Variants in MAPKBP1 observed in about 807,000 individuals in gnomAD.
MAPKBP1 encodes the protein mitogen-activated protein kinase-binding protein 1.
In MAPKBP1, 71 loss-of-function variants were observed where a neutral mutation model predicts 170.5. The ratio of observed to expected loss-of-function variants is 0.42; its 90% CI spans 0.34 to 0.51. MAPKBP1 has a LOEUF of 0.51. Ranked by LOEUF, MAPKBP1 falls within the 20% of genes least tolerant of loss-of-function variation. The probability of loss-of-function intolerance (pLI) is 0.06; values close to 1 mark genes in which losing one functional copy is unlikely to be tolerated. For missense variants in MAPKBP1, 1,598 were observed against 1,933.0 expected (o/e 0.83, Z 3.25); for synonymous variants, 719 against 757.9 (o/e 0.95, Z 0.84).
intron 2 of MAPKBP1, among the ~76,000 whole-genome samples, chr15:41,793,363 T>C (rs569479253): frequency 6.2e-4 from 94 of 152,254 alleles, no homozygotes; most frequent in Middle Eastern, 3.4e-3. Flanking sequence ...GGCATGTGCC[T>C]GTAGTACCAG....
intron 12 of MAPKBP1, 62 bp from the exon 13 acceptor site, chr15:41,816,497 G>T: frequency 9.0e-7 from 1 of 1,108,834 alleles, no homozygotes; most frequent in South Asian, 1.3e-5. Context: ...AGCAGAGGAG[G>T]GGGCGTGAGT....
intron 2 of MAPKBP1, among the ~76,000 whole-genome samples, chr15:41,780,802 G>A (rs980798839): frequency 3.3e-5 from 5 of 151,536 alleles, no homozygotes; most frequent in South Asian, 2.1e-4. Context: ...AGAAATAAAA[G>A]TGAGTATGAC....
intron 23 of MAPKBP1, 64 bp from the exon 24 acceptor site, chr15:41,821,520 C>T (rs2064995059): frequency 6.5e-7 from 1 of 1,531,954 alleles, no homozygotes; most frequent in African/African-American, 1.4e-5. Context: ...CAGGGCTTAC[C>T]CCCCAGCTAC....
chr15:41,819,552 G>GGGGGGA, intron 21 of MAPKBP1, 43 bp from the exon 22 acceptor site: 1 of 1,508,798 alleles, frequency 6.6e-7, no homozygotes, highest in Non-Finnish European at 9.1e-7. Flanking sequence ...GGTGGCGGGG[G>GGGGGGA]GGGGGCAGGA....
At chr15:41,804,950 G>A (rs541212590) in intron 3 of MAPKBP1, among the ~76,000 whole-genome samples, 10 of 152,266 alleles carry the variant, frequency 6.6e-5, no homozygotes, top group Admixed American at 6.5e-4. Flanking sequence ...GCACAAGCAG[G>A]TTCTTCACCT....
intron 23 of MAPKBP1, 104 bp downstream of exon 23, chr15:41,821,172 C>T: frequency 3.7e-6 from 4 of 1,091,496 alleles, no homozygotes; most frequent in Non-Finnish European, 5.5e-6. Context: ...CTTGCTCTGC[C>T]CCTGTGGCAC....
chr15:41,821,945 C>T lies in MAPKBP1; in HGVS notation c.2886-20C>T, dbSNP rs1393671561. 6.2e-7 allele frequency: 1 copy of T among 1,607,466 alleles called. No individual in the cohort carries two copies. The highest frequency in any genetic ancestry group is 1.1e-5 in the South Asian group (1 of 90,054). ...ACCCCTGCTCACTGCCTTTTCTTCT[C>T]CCTGCTGGAATCCTGACAGTGAGTT... On this transcript the variant is annotated intron_variant, in intron 24 of 30. Coordinates refer to ENST00000457542, the MANE Select transcript of MAPKBP1 (RefSeq NM_014994.3).
At chr15:41,781,439 C>A (rs896045883) in intron 2 of MAPKBP1, among the ~76,000 whole-genome samples, 1 of 147,470 alleles carries the variant, frequency 6.8e-6, no homozygotes, top group African/African-American at 2.5e-5. Context: ...AGTTTATATG[C>A]CTTATCTCTC....
intron 3 of MAPKBP1, among the ~76,000 whole-genome samples, chr15:41,800,164 C>T (rs1344045842): frequency 2.0e-5 from 3 of 152,160 alleles, no homozygotes; most frequent in African/African-American, 7.2e-5. Context: ...TTATGTTACA[C>T]ACAGTTCCCA....
chr15:41,797,391 G>GC (rs1270425879), intron 2 of MAPKBP1, among the ~76,000 whole-genome samples: 1 of 152,194 alleles, frequency 6.6e-6, no homozygotes, highest in African/African-American at 2.4e-5. Flanking sequence ...TGTGGGTAAT[G>GC]CCAGCCTGGG....
intron 2 of MAPKBP1, among the ~76,000 whole-genome samples, chr15:41,782,372 G>GA (rs1479104260): frequency 6.6e-6 from 1 of 152,012 alleles, no homozygotes; most frequent in Non-Finnish European, 1.5e-5. Flanking sequence ...CTGCCCAAGT[G>GA]AAAAAATAGA....
At position 41,815,658 on chromosome 15, in the gene MAPKBP1, C is replaced by G; in HGVS notation, c.1352C>G (p.Thr451Ser). Residue 451 changes from threonine to serine, a missense_variant, in exon 12 of 31, where the codon ACC becomes AGC. Physicochemically the swap from Thr to Ser is moderately conservative, Grantham distance 58. Transcript: ENST00000457542. ...LIKIIYVDGNTQALLDTELPG... is the reference protein window; with the variant it reads ...LIKIIYVDGNSQALLDTELPG... ...AAAATCATCTATGTGGATGGGAACA[C>G]CCAGGCCCTGCTGGACACAGAGCTG... 6.2e-7 allele frequency: 1 copy of G among 1,614,022 alleles called. No individual in the cohort carries two copies. The highest frequency in any genetic ancestry group is 8.5e-7 in the Non-Finnish European group (1 of 1,179,940).
Position 41,786,626 on chromosome 15 carries a change from G to A in MAPKBP1, c.114+11237G>A, listed in dbSNP as rs925269040. On this transcript the variant is annotated intron_variant, in intron 2 of 30. Transcript: ENST00000457542. ...AAAAATACAAAAAAATTAGCTGGGC[G>A]TGGTGGCGGGTGCCCGTAGTCCCAG... Among the ~76,000 whole-genome samples the A allele has an allele frequency of 2.1e-4, 31 of 150,600 alleles. No individual in the cohort carries two copies. The East Asian group carries it at 3.1e-3, about 15-fold the overall frequency.
At chr15:41,786,824 G>GT (rs1292215934) in intron 2 of MAPKBP1, among the ~76,000 whole-genome samples, 6 of 108,450 alleles carry the variant, frequency 5.5e-5, no homozygotes, top group Admixed American at 1.9e-4. Context: ...AGCTTTTTTT[G>GT]TTTTTTAAAG....
intron 23 of MAPKBP1, 184 bp from the exon 24 acceptor site, chr15:41,821,400 C>CA: frequency 1.6e-6 from 1 of 631,408 alleles, no homozygotes; most frequent in East Asian, 2.7e-5. Flanking sequence ...AACTGGAGCC[C>CA]AGCCTGGCTT....
intron 24 of MAPKBP1, 103 bp downstream of exon 24, chr15:41,821,853 C>T (rs2065003736): frequency 6.4e-7 from 1 of 1,574,430 alleles, no homozygotes. Flanking sequence ...CAGGGCTTTC[C>T]TTCCAGCTCA....
rs1359948714 is a variant in MAPKBP1, at chr15:41,817,482, G to A, written c.1782+24G>A. ...AGGTGAGGGCGCTGGGCTTTCCTGA[G>A]AGGGGCGGGACAGGGCGGGGTCTGC... On this transcript the variant is annotated intron_variant, in intron 15 of 30. Coordinates refer to ENST00000457542, the MANE Select transcript of MAPKBP1 (RefSeq NM_014994.3). This position sits in a 1 kb window ranked among gnomAD's most constrained non-coding sequence, Gnocchi z 4.2. 2.4e-5 allele frequency: 38 copies of A among 1,611,876 alleles called. No homozygotes were observed. The highest frequency in any genetic ancestry group is 3.1e-5 in the Non-Finnish European group (36 of 1,178,094).
In MAPKBP1 at chr15:41,815,562, T is replaced by C. The variant is rs953490863; in HGVS notation, c.1318-62T>C. On this transcript the variant is annotated intron_variant, in intron 11 of 30. Transcript: ENST00000457542. ...AAGGGTTTGTTTTGCTCAGCTTTCTTGCCCCTTGCAGCTGTACTGGTCAGG... is the reference window on the plus strand; with the variant it reads ...AAGGGTTTGTTTTGCTCAGCTTTCTCGCCCCTTGCAGCTGTACTGGTCAGG... The C allele has an allele frequency of 4.5e-6, 7 of 1,567,682 alleles. No individual in the cohort carries two copies. In the African/African-American group the frequency reaches 8.1e-5, roughly 18 times the overall value.
At chr15:41,793,818 G>A (rs543865706) in intron 2 of MAPKBP1, among the ~76,000 whole-genome samples, 1 of 152,214 alleles carries the variant, frequency 6.6e-6, no homozygotes, top group Non-Finnish European at 1.5e-5. Flanking sequence ...CCATCTCATC[G>A]CCTGCTGCCG....
Sources: gnomAD v4.1 joint callset for allele counts (sites outside exome capture counted in the v4.1 genomes callset) on GRCh38, gnomAD v4.1.1 for gene constraint, Gnocchi (gnomAD v3.1) non-coding constraint, MANE v1.5 for transcripts, NCBI Gene and HGNC (gene_info 2026-07-23, HGNC 2026-07-21) for gene names.